USP33: variants seen among roughly 807,000 people sequenced by gnomAD.
USP33 encodes ubiquitin specific peptidase 33, also known as ubiquitin carboxyl-terminal hydrolase 33.
USP33 carries 46 observed loss-of-function variants against 124.2 expected under a neutral mutation model. The ratio of observed to expected loss-of-function variants is 0.37; its 90% CI spans 0.29 to 0.47. USP33 has a LOEUF of 0.47. Ranked by LOEUF, USP33 falls within the 20% of genes least tolerant of loss-of-function variation. USP33 has a pLI of 0.99. For missense variants in USP33, 851 were observed against 1,070.6 expected (o/e 0.79, Z 2.86); for synonymous variants, 350 against 352.3 (o/e 0.99, Z 0.07).
intron 19 of USP33, chr1:77,713,504 C>T (rs952843954): frequency 2.2e-5 from 9 of 400,348 alleles, no homozygotes; most frequent in South Asian, 6.8e-5. Context: ...CCCACCCCAG[C>T]GTCCTGAGTA....
chr1:77,710,825 C>G lies in USP33; in HGVS notation c.2406+922G>C, dbSNP rs551595515. On this transcript the variant is annotated intron_variant, in intron 21 of 23. Coordinates refer to ENST00000370794, the MANE Select transcript of USP33 (RefSeq NM_201624.3). ...TAGATTTATGAATAAACGTGTCTCT[C>G]AAGTGATCCAAATTTTCAATTGTCT... Among the ~76,000 whole-genome samples, 111 of 152,300 alleles carry G rather than the reference C, an allele frequency of 7.3e-4. 2 individuals are homozygous for G. The Middle Eastern group carries it at 0.027, about 37-fold the overall frequency.
intron 21 of USP33, among the ~76,000 whole-genome samples, chr1:77,709,221 T>C (rs1674963530): frequency 6.6e-6 from 1 of 152,176 alleles, no homozygotes; most frequent in African/African-American, 2.4e-5. Flanking sequence ...CTGTAATTTA[T>C]TTTGAGGCTA....
At chr1:77,735,911 A>G (rs1296886728) in intron 6 of USP33, 145 bp downstream of exon 6, 2 of 526,664 alleles carry the variant, frequency 3.8e-6, no homozygotes. Flanking sequence ...TTTGCAAATA[A>G]AATTTTACTA....
rs771268557 is a variant in USP33, at chr1:77,757,034, T to A, written c.-52+2609A>T. Among the ~76,000 whole-genome samples, 39 of 152,260 alleles carry A rather than the reference T, an allele frequency of 2.6e-4. 1 individual carries two copies. Among genetic ancestry groups the A allele is most frequent in the African/African-American group, 2.4e-4 (10 of 41,476 alleles). On this transcript the variant is annotated intron_variant, in intron 1 of 23. Coordinates refer to ENST00000370794, the MANE Select transcript of USP33 (RefSeq NM_201624.3). ...ACATAAACTATGAATATCAGCCACATTGTTCTACCGATGTTTTCTCAAATG... is the reference window on the plus strand; with the variant it reads ...ACATAAACTATGAATATCAGCCACAATGTTCTACCGATGTTTTCTCAAATG...
chr1:77,715,289 C>A (rs1458176571), intron 18 of USP33, among the ~76,000 whole-genome samples: 2 of 152,060 alleles, frequency 1.3e-5, no homozygotes, highest in Non-Finnish European at 2.9e-5. Flanking sequence ...TCACTGCAAC[C>A]CCCACCCGCC....
chr1:77,722,163 A>G lies in USP33; in HGVS notation c.1423T>C (p.Ser475Pro). Residue 475 changes from serine (S) to proline (P), a missense_variant, in exon 13 of 24, where the codon TCC becomes CCC. Physicochemically the swap from Ser to Pro is moderately conservative, Grantham distance 74. This residue lies in a region of USP33 where 281 missense variants were observed against 425.0 expected (regional missense o/e 0.66). Transcript: ENST00000370794. The stretch of plus-strand genomic sequence containing the variant: ...TCTTCCTTGCCAGGAATTGGCAAGG[A>G]CAGATCTTGAAAGGTCTCGAGGGTT... ...SVTLETFQDLSLPIPGKEDLA... is the reference protein window; with the variant it reads ...SVTLETFQDLPLPIPGKEDLA... The G allele has an allele frequency of 6.2e-7, 1 of 1,613,746 alleles. No individual in the cohort carries two copies. Among genetic ancestry groups the G allele is most frequent in the Non-Finnish European group, 8.5e-7 (1 of 1,179,814 alleles).
At chr1:77,751,343 C>A (rs1208153182) in intron 1 of USP33, among the ~76,000 whole-genome samples, 2 of 152,156 alleles carry the variant, frequency 1.3e-5, no homozygotes, top group Non-Finnish European at 2.9e-5. Flanking sequence ...TGCTCATCTG[C>A]ATTAAAGTAA....
Position 77,750,637 on chromosome 1 carries a change from A to AAAGG in USP33, c.-51-8890_-51-8889insCCTT, listed in dbSNP as rs1219336188. ...ACCCTGACTTAAAAAAGAAAGAAAG[A>AAAGG]AAGAAAGAAAGAAAGAAAGAAAGAA... On this transcript the variant is annotated intron_variant, in intron 1 of 23. Coordinates refer to ENST00000370794, the MANE Select transcript of USP33 (RefSeq NM_201624.3). Among the ~76,000 whole-genome samples, 4 of 134,574 alleles carry AAAGG rather than the reference A, an allele frequency of 3.0e-5. No homozygotes were observed. The East Asian group carries it at 6.4e-4, about 22-fold the overall frequency. 88.3% of individuals were successfully genotyped at this position (134,574 alleles called of 152,430 possible).
intron 4 of USP33, 130 bp from the exon 5 acceptor site, chr1:77,739,547 G>C (rs548460057): frequency 2.3e-6 from 2 of 858,040 alleles, no homozygotes; most frequent in South Asian, 5.7e-5. Context: ...AGCTAATTTA[G>C]AACATGAAAA....
intron 21 of USP33, among the ~76,000 whole-genome samples, chr1:77,708,512 T>C (rs1440901927): frequency 6.6e-6 from 1 of 152,224 alleles, no homozygotes; most frequent in African/African-American, 2.4e-5. Flanking sequence ...ATAGTAGCAG[T>C]AGCTTCTCAG....
chr1:77,739,251 A>G lies in USP33; in HGVS notation c.351+14T>C, dbSNP rs1320757324. Reference sequence around the variant, plus strand: ...AATGTTTTACAGCTTAACTAAGTGGATCTAGATTATTACCTGGACACTGTT... The same window carrying G: ...AATGTTTTACAGCTTAACTAAGTGGGTCTAGATTATTACCTGGACACTGTT... On this transcript the variant is annotated intron_variant, in intron 5 of 23. Transcript: ENST00000370794. The G allele has an allele frequency of 6.2e-7, 1 of 1,601,846 alleles. No homozygotes were observed. The highest frequency in any genetic ancestry group is 1.8e-5 in the Admixed American group (1 of 56,812).
intron 21 of USP33, chr1:77,711,495 C>G: frequency 2.7e-6 from 1 of 369,462 alleles, no homozygotes; most frequent in South Asian, 6.9e-5. Flanking sequence ...CCACTGCACT[C>G]CAGCCTGGGC....
chr1:77,755,940 T>G (rs1462593214), intron 1 of USP33, among the ~76,000 whole-genome samples: 2 of 152,210 alleles, frequency 1.3e-5, no homozygotes, highest in African/African-American at 4.8e-5. Flanking sequence ...GCTTTCCTTT[T>G]GAATGACTGG....
chr1:77,708,485 A>C (rs933894142), intron 21 of USP33, among the ~76,000 whole-genome samples: 1 of 152,192 alleles, frequency 6.6e-6, no homozygotes, highest in Non-Finnish European at 1.5e-5. Context: ...CCTCTTGAAT[A>C]ATTCACTTGG....
intron 1 of USP33, among the ~76,000 whole-genome samples, chr1:77,750,943 T>C (rs541290677): frequency 1.3e-5 from 2 of 152,320 alleles, no homozygotes; most frequent in African/African-American, 4.8e-5. Flanking sequence ...CTTCTCAAAT[T>C]GTACACCAAA....
chr1:77,705,298 G>A (rs376203137), intron 21 of USP33, among the ~76,000 whole-genome samples: 32 of 151,478 alleles, frequency 2.1e-4, no homozygotes, highest in East Asian at 7.8e-4. Flanking sequence ...CAATTCAAGC[G>A]ATTCTCCTGC....
chr1:77,722,619 T>C (rs1676695648), intron 12 of USP33, among the ~76,000 whole-genome samples: 1 of 152,052 alleles, frequency 6.6e-6, no homozygotes, highest in South Asian at 2.1e-4. Flanking sequence ...TTTAAATAGC[T>C]AAAAACATGC....
Position 77,699,474 on chromosome 1 carries a change from G to A in USP33, c.2510-1543C>T, listed in dbSNP as rs560718617. ...GGAGGTTGCAATGAGCTGAGATCACGCCACTCCACTCCAGCCTGAGTGACA... is the reference window on the plus strand; with the variant it reads ...GGAGGTTGCAATGAGCTGAGATCACACCACTCCACTCCAGCCTGAGTGACA... On this transcript the variant is annotated intron_variant, in intron 22 of 23. Transcript: ENST00000370794. Among the ~76,000 whole-genome samples the A allele has an allele frequency of 1.1e-4, 17 of 152,220 alleles. No homozygotes were observed. In the South Asian group the frequency reaches 3.1e-3, roughly 28 times the overall value.
At chr1:77,711,143 A>T (rs1675202625) in intron 21 of USP33, among the ~76,000 whole-genome samples, 2 of 152,174 alleles carry the variant, frequency 1.3e-5, no homozygotes, top group East Asian at 3.8e-4. Context: ...ACACTAACTT[A>T]AGGAAACCTG....
Sources: allele counts gnomAD v4.1 joint callset (sites outside exome capture counted in the v4.1 genomes callset), GRCh38; gene constraint gnomAD v4.1.1; regional missense constraint gnomAD v4.1.1; transcripts MANE v1.5; gene names NCBI Gene and HGNC (gene_info 2026-07-23, HGNC 2026-07-21).